Variants in CSNK1G1 observed in about 807,000 individuals in gnomAD.
The protein encoded by CSNK1G1 is casein kinase 1 gamma 1.
A neutral mutation model predicts 59.6 loss-of-function variants in CSNK1G1; 22 were observed. The observed-to-expected ratio is 0.37, with a 90% CI of 0.26 to 0.53. The LOEUF (loss-of-function observed/expected upper bound fraction) is 0.53. CSNK1G1 is among the 20% of genes least tolerant of loss of function. The pLI, the probability that CSNK1G1 is intolerant of heterozygous loss-of-function variation, is 0.89. For synonymous variants in CSNK1G1, 179 were observed against 177.1 expected (o/e 1.01, Z -0.08); for missense variants, 384 against 519.5 (o/e 0.74, Z 2.54).
intron 2 of CSNK1G1, among the ~76,000 whole-genome samples, chr15:64,267,433 C>A (rs751057371): frequency 2.0e-5 from 3 of 151,874 alleles, no homozygotes; most frequent in Non-Finnish European, 2.9e-5. Flanking sequence ...AATATCCAGA[C>A]CATATAAGGA....
At chr15:64,352,448 T>TTC (rs1555405862) in intron 1 of CSNK1G1, among the ~76,000 whole-genome samples, 2 of 7,308 alleles carry the variant, frequency 2.7e-4, no homozygotes, top group Non-Finnish European at 1.7e-3. Context: ...TGAATTCTTC[T>TTC]TTTTTTTTTT....
rs1165768581 is a variant in CSNK1G1, at chr15:64,352,447, C to CTTTTTTTTTTT, written c.-225+3530_-225+3540dup. Reference sequence around the variant, plus strand: ...ATCACAAAACATAATTTGAATTCTTCTTTTTTTTTTTTTTTTTTTGAGATG... The same window carrying CTTTTTTTTTTT: ...ATCACAAAACATAATTTGAATTCTTCTTTTTTTTTTTTTTTTTTTTTTTTTTTTTTGAGATG... On this transcript the variant is annotated intron_variant, in intron 1 of 11. Transcript: ENST00000303052. 3.0e-4 allele frequency among the ~76,000 whole-genome samples: 27 copies of CTTTTTTTTTTT among 89,430 alleles called. 1 individual carries two copies. The highest frequency in any genetic ancestry group is 1.0e-3 in the African/African-American group (23 of 22,738). 58.7% of individuals were successfully genotyped at this position (89,430 alleles called of 152,430 possible).
chr15:64,237,185 T>C (rs1204911990), intron 4 of CSNK1G1, among the ~76,000 whole-genome samples: 1 of 152,138 alleles, frequency 6.6e-6, no homozygotes, highest in Non-Finnish European at 1.5e-5. Context: ...ATGTATGTTA[T>C]TTGGGTGATG....
At chr15:64,239,738 A>T (rs2140303143) in intron 4 of CSNK1G1, among the ~76,000 whole-genome samples, 1 of 152,328 alleles carries the variant, frequency 6.6e-6, no homozygotes, top group Non-Finnish European at 1.5e-5. Flanking sequence ...CAAGTAAGTC[A>T]ACAAAACCAG....
intron 3 of CSNK1G1, 50 bp from the exon 4 acceptor site, chr15:64,251,631 T>C: frequency 7.3e-7 from 1 of 1,377,098 alleles, no homozygotes; most frequent in Non-Finnish European, 1.0e-6. Context: ...AATGGGATTT[T>C]TCCATTCTTA....
At chr15:64,215,873 C>T (rs937036681) in intron 5 of CSNK1G1, among the ~76,000 whole-genome samples, 1 of 152,176 alleles carries the variant, frequency 6.6e-6, no homozygotes, top group African/African-American at 2.4e-5. Context: ...TAACATCAAT[C>T]TTTTCTTGGT....
At chr15:64,263,299 CTG>C (rs1294926656) in intron 2 of CSNK1G1, among the ~76,000 whole-genome samples, 2 of 151,812 alleles carry the variant, frequency 1.3e-5, no homozygotes, top group Non-Finnish European at 2.9e-5. Flanking sequence ...AGCGATTCTC[CTG>C]CCTCAGCCTC....
chr15:64,287,651 T>C (rs1363450971), intron 2 of CSNK1G1, among the ~76,000 whole-genome samples: 1 of 152,194 alleles, frequency 6.6e-6, no homozygotes, highest in Non-Finnish European at 1.5e-5. Context: ...AATACAGAAT[T>C]CTACTGTTTA....
Position 64,180,474 on chromosome 15 carries a change from G to C in CSNK1G1, c.1108-20C>G. 1 of 1,579,286 alleles carries C rather than the reference G, an allele frequency of 6.3e-7. No individual in the cohort carries two copies. Among genetic ancestry groups the C allele is most frequent in the Non-Finnish European group, 8.7e-7 (1 of 1,148,234 alleles). ...AACCACCTGAAACAGAAAGACAGAA[G>C]TGTGTGACAGGCACCATGGCAACAG... On this transcript the variant is annotated intron_variant, in intron 10 of 11. Transcript: ENST00000303052.
rs1423975029 is a variant in CSNK1G1, at chr15:64,170,586, C to G, written c.*1345G>C. On this transcript the variant is annotated 3_prime_UTR_variant, in exon 12 of 12. Coordinates refer to ENST00000303052, the MANE Select transcript of CSNK1G1 (RefSeq NM_022048.5). ...AGATAGGATACACCGATTTTCTTTT[C>G]CTGGCCCTATAATGCCACACCCTGA... 1.3e-5 allele frequency: 2 copies of G among 152,570 alleles called. No individual in the cohort carries two copies. Among genetic ancestry groups the G allele is most frequent in the African/African-American group, 4.8e-5 (2 of 41,426 alleles). 9.5% of individuals were successfully genotyped at this position (152,570 alleles called of 1,614,324 possible). A position where few individuals can be genotyped will look rare whatever the true frequency, so the allele number is the denominator to read the frequency against.
chr15:64,236,652 A>G (rs957255337), intron 4 of CSNK1G1, among the ~76,000 whole-genome samples: 6 of 152,248 alleles, frequency 3.9e-5, no homozygotes, highest in African/African-American at 1.4e-4. Flanking sequence ...GATGTTAGCA[A>G]GGATGCAGAG....
chr15:64,291,403 A>G (rs1894733806), intron 2 of CSNK1G1, among the ~76,000 whole-genome samples: 1 of 152,058 alleles, frequency 6.6e-6, no homozygotes, highest in Non-Finnish European at 1.5e-5. Flanking sequence ...CCTGGCCAAC[A>G]TGGTGAAACC....
intron 2 of CSNK1G1, among the ~76,000 whole-genome samples, chr15:64,286,771 C>T (rs1400755315): frequency 2.0e-5 from 3 of 152,092 alleles, no homozygotes; most frequent in Non-Finnish European, 2.9e-5. Flanking sequence ...TTATAACATC[C>T]TCCACTTTGA....
rs148356554 is a variant in CSNK1G1, at chr15:64,220,621, T to G, written c.293-3908A>C. On this transcript the variant is annotated intron_variant, in intron 4 of 11. Transcript: ENST00000303052. Reference sequence around the variant, plus strand: ...AAGCTTTTCTCTTGCCTCAGCCTCCTGAGTAGCTGGGACTACAGACTCAGC... The same window carrying G: ...AAGCTTTTCTCTTGCCTCAGCCTCCGGAGTAGCTGGGACTACAGACTCAGC... Among the ~76,000 whole-genome samples, 1,257 of 152,204 alleles carry G rather than the reference T, an allele frequency of 8.3e-3. 17 individuals are homozygous for G. Among genetic ancestry groups the G allele is most frequent in the African/African-American group, 0.028 (1,178 of 41,528 alleles).
intron 1 of CSNK1G1, among the ~76,000 whole-genome samples, chr15:64,304,144 T>C (rs1264821784): frequency 6.6e-6 from 1 of 151,866 alleles, no homozygotes; most frequent in Admixed American, 6.6e-5. Flanking sequence ...TCCCAGTACT[T>C]TGGGAGGCCG....
At chr15:64,249,257 C>T (rs1038001861) in intron 4 of CSNK1G1, among the ~76,000 whole-genome samples, 8 of 152,152 alleles carry the variant, frequency 5.3e-5, no homozygotes, top group Middle Eastern at 3.4e-3. Context: ...GTAGTCAAGC[C>T]GATTTAGATG....
At chr15:64,190,514 A>C (rs572012092) in intron 10 of CSNK1G1, among the ~76,000 whole-genome samples, 2 of 152,102 alleles carry the variant, frequency 1.3e-5, no homozygotes, top group African/African-American at 4.8e-5. Flanking sequence ...TCTCAGGTTC[A>C]AGCGATTCTC....
chr15:64,307,997 T>TAAA (rs777940657), intron 1 of CSNK1G1, among the ~76,000 whole-genome samples: 2 of 152,106 alleles, frequency 1.3e-5, no homozygotes, highest in Admixed American at 1.3e-4. Context: ...GTCAGCAACT[T>TAAA]ACGCTTATGT....
chr15:64,262,288 A>G (rs1423489764), intron 2 of CSNK1G1, among the ~76,000 whole-genome samples: 1 of 152,226 alleles, frequency 6.6e-6, no homozygotes, highest in African/African-American at 2.4e-5. Context: ...TGATATAGTG[A>G]GTGTTAAAAC....
Sources: allele counts gnomAD v4.1 joint callset (sites outside exome capture counted in the v4.1 genomes callset), GRCh38; gene constraint gnomAD v4.1.1; transcripts MANE v1.5; gene names NCBI Gene and HGNC (gene_info 2026-07-23, HGNC 2026-07-21).